XPO4: variants seen among roughly 807,000 people sequenced by gnomAD.
The protein encoded by XPO4 is exportin 4.
Under a neutral mutation model 143.0 loss-of-function variants are expected in XPO4, and 39 were observed. The ratio of observed to expected loss-of-function variants is 0.27; its 90% CI spans 0.21 to 0.36. XPO4 has a LOEUF of 0.36. Ranked by LOEUF, XPO4 falls within the 10% of genes least tolerant of loss-of-function variation. The pLI is 1.00. For synonymous variants in XPO4, 439 were observed against 474.0 expected (o/e 0.93, Z 0.96); for missense variants, 907 against 1,348.0 (o/e 0.67, Z 5.12).
At chr13:20,828,106 A>G (rs946368977) in intron 6 of XPO4, among the ~76,000 whole-genome samples, 2 of 152,154 alleles carry the variant, frequency 1.3e-5, no homozygotes, top group Admixed American at 6.5e-5. Flanking sequence ...GCATGGTGGC[A>G]GGCACCTGTA....
intron 19 of XPO4, among the ~76,000 whole-genome samples, chr13:20,788,900 G>A (rs960592450): frequency 1.3e-5 from 2 of 152,066 alleles, no homozygotes; most frequent in Non-Finnish European, 2.9e-5. Flanking sequence ...GTGTTTACCC[G>A]GAAAAAGTAA....
At chr13:20,843,950 T>C in intron 4 of XPO4, 64 bp from the exon 5 acceptor site, 1 of 1,246,144 alleles carries the variant, frequency 8.0e-7, no homozygotes, top group Middle Eastern at 1.9e-4. Flanking sequence ...TTTCAATGCA[T>C]TTGTTCAAAC....
chr13:20,893,529 G>A (rs375262862), intron 1 of XPO4, among the ~76,000 whole-genome samples: 87 of 152,108 alleles, frequency 5.7e-4, no homozygotes, highest in Non-Finnish European at 1.0e-3. Flanking sequence ...CACGAGGTCA[G>A]GAGTTCGAGA....
intron 18 of XPO4, among the ~76,000 whole-genome samples, chr13:20,794,444 A>G (rs759486288): frequency 6.6e-6 from 1 of 152,244 alleles, no homozygotes; most frequent in Non-Finnish European, 1.5e-5. Context: ...TACATGTTTT[A>G]GCTCTGGGTC....
At chr13:20,856,346 A>T (rs1468519914) in intron 3 of XPO4, 1 of 985,292 alleles carries the variant, frequency 1.0e-6, no homozygotes, top group African/African-American at 1.7e-5. Context: ...CAAAATGTTC[A>T]TATCTAGGTT....
chr13:20,892,552 C>G (rs982773092), intron 1 of XPO4, among the ~76,000 whole-genome samples: 1 of 152,142 alleles, frequency 6.6e-6, no homozygotes, highest in African/African-American at 2.4e-5. Context: ...AAGCCCTGTA[C>G]TAGACACACA....
chr13:20,820,715 AC>A (rs1345172239), intron 9 of XPO4, among the ~76,000 whole-genome samples: 2 of 152,188 alleles, frequency 1.3e-5, no homozygotes, highest in Non-Finnish European at 2.9e-5. Flanking sequence ...CACTTGTCTG[AC>A]CTGGTTCCTT....
rs267603773 is a variant in XPO4, at chr13:20,796,982, C to T, written c.2398G>A (p.Glu800Lys). 1 of 1,613,600 alleles carries T rather than the reference C, an allele frequency of 6.2e-7. No homozygotes were observed. Among genetic ancestry groups the T allele is most frequent in the East Asian group, 2.2e-5 (1 of 44,868 alleles). ...GTGGCAGTGATTTCCTGCTTGACTT[C>T]CTCTTGCTGACACATCTGCTGGAAG... is the stretch of plus-strand genomic sequence containing the variant. Reference protein sequence around the residue: ...ENFQQMCQQEEVKQEITATLE... With the variant: ...ENFQQMCQQEKVKQEITATLE... Residue 800 changes from glutamate (E) to lysine (K), a missense_variant, in exon 17 of 23, where the codon GAA becomes AAA. Transcript: ENST00000255305.
intron 9 of XPO4, among the ~76,000 whole-genome samples, chr13:20,812,323 T>C (rs1395394879): frequency 3.3e-5 from 5 of 152,038 alleles, no homozygotes; most frequent in East Asian, 1.9e-4. Context: ...CCCACACTTA[T>C]ATAAAAACTA....
At chr13:20,844,814 G>A (rs1326818905) in intron 4 of XPO4, among the ~76,000 whole-genome samples, 1 of 152,182 alleles carries the variant, frequency 6.6e-6, no homozygotes, top group Non-Finnish European at 1.5e-5. Flanking sequence ...GGTGACTGAT[G>A]GTTCCATGAG....
intron 4 of XPO4, chr13:20,849,287 G>C (rs1258470835): frequency 7.5e-5 from 74 of 985,230 alleles, no homozygotes; most frequent in Non-Finnish European, 8.9e-5. Flanking sequence ...GATTAACTTG[G>C]CTATCACATC....
chr13:20,881,517 G>A (rs1344694604), intron 1 of XPO4, among the ~76,000 whole-genome samples: 10 of 151,810 alleles, frequency 6.6e-5, no homozygotes, highest in South Asian at 2.1e-4. Flanking sequence ...TGATCCCCCC[G>A]CCTCAGCCTC....
At chr13:20,874,768 T>G (rs966308819) in intron 1 of XPO4, among the ~76,000 whole-genome samples, 9 of 151,976 alleles carry the variant, frequency 5.9e-5, no homozygotes, top group African/African-American at 2.2e-4. Context: ...CCGAGGCGGG[T>G]GATCACCTGA....
At chr13:20,857,623 A>G (rs1238534771) in intron 3 of XPO4, among the ~76,000 whole-genome samples, 1 of 151,548 alleles carries the variant, frequency 6.6e-6, no homozygotes, top group Non-Finnish European at 1.5e-5. Context: ...ACTACTCGGG[A>G]GGCTGAGGCA....
Position 20,807,611 on chromosome 13 carries a change from G to A in XPO4, c.1663C>T (p.Gln555Ter), listed in dbSNP as rs1566572265. Residue 555 changes from glutamine to a stop codon, truncating the protein, a stop_gained, in exon 13 of 23, where the codon CAG (glutamine) becomes TAG (stop). Transcript: ENST00000255305. LOFTEE classifies it high-confidence loss of function. ...GGAGGTATTAGCGGAGTCTCTCCCTGAGTATCATCAGCTAAGAGGTAGCCT... is the reference window on the plus strand; with the variant it reads ...GGAGGTATTAGCGGAGTCTCTCCCTAAGTATCATCAGCTAAGAGGTAGCCT... ...VTGYLLADDT[Q>*]GETPLIPPEI... is the part of the protein sequence containing the mutation. 6.2e-7 allele frequency: 1 copy of A among 1,603,812 alleles called. No individual in the cohort carries two copies. The highest frequency in any genetic ancestry group is 8.5e-7 in the Non-Finnish European group (1 of 1,177,284).
intron 9 of XPO4, among the ~76,000 whole-genome samples, chr13:20,815,383 T>C (rs2059636928): frequency 6.6e-6 from 1 of 152,188 alleles, no homozygotes; most frequent in South Asian, 2.1e-4. Flanking sequence ...GGGATGTTGA[T>C]GGGTGAGGGT....
intron 6 of XPO4, among the ~76,000 whole-genome samples, chr13:20,836,011 A>C (rs2059912265): frequency 6.6e-6 from 1 of 152,238 alleles, no homozygotes; most frequent in Non-Finnish European, 1.5e-5. Flanking sequence ...TATAGTACAT[A>C]TAAAACATAA....
intron 6 of XPO4, among the ~76,000 whole-genome samples, chr13:20,831,203 A>C (rs116954479): frequency 0.01 from 1,576 of 152,280 alleles, 10 homozygotes; most frequent in Non-Finnish European, 0.013. Context: ...GAATTCAGAA[A>C]TCTAGCACTA....
chr13:20,900,772 C>T (rs765268308), intron 1 of XPO4, among the ~76,000 whole-genome samples: 4 of 148,646 alleles, frequency 2.7e-5, no homozygotes, highest in South Asian at 2.2e-4. Flanking sequence ...CCATCACGCC[C>T]GGCTAATTTT....
Sources: gnomAD v4.1 joint callset for allele counts (sites outside exome capture counted in the v4.1 genomes callset) on GRCh38, gnomAD v4.1.1 for gene constraint, MANE v1.5 for transcripts, NCBI Gene and HGNC (gene_info 2026-07-23, HGNC 2026-07-21) for gene names.